FOCAD: variants seen among roughly 807,000 people sequenced by gnomAD.
FOCAD encodes the protein focadhesin.
In FOCAD, 198 loss-of-function variants were observed where a neutral mutation model predicts 225.6. That is an observed-to-expected ratio of 0.88 (90% CI 0.78 to 0.99). The LOEUF (loss-of-function observed/expected upper bound fraction) is 0.99, where lower values mean the gene tolerates loss of function less well. Among genes scored for constraint, FOCAD ranks in the 50% least tolerant of loss-of-function variants. The pLI, the probability that FOCAD is intolerant of heterozygous loss-of-function variation, is 0.00. For missense variants in FOCAD, 2,713 were observed against 2,123.6 expected, an observed-to-expected ratio of 1.28 and a Z score of -5.46; for synonymous variants, 897 against 755.0, an observed-to-expected ratio of 1.19 and a Z score of -3.08.
intron 4 of FOCAD, among the ~76,000 whole-genome samples, chr9:20,732,306 C>T (rs977136339): frequency 7.2e-5 from 11 of 152,152 alleles, no homozygotes; most frequent in African/African-American, 2.7e-4. Flanking sequence ...GTGGTAAAAG[C>T]AGGCTTTCCT....
Position 20,865,955 on chromosome 9 carries a change from C to T in FOCAD, c.2085C>T (p.Leu695=). The T allele has an allele frequency of 6.2e-7, 1 of 1,609,006 alleles. No homozygotes were observed. The highest frequency in any genetic ancestry group is 8.5e-7 in the Non-Finnish European group (1 of 1,177,726). The change falls in exon 17 of 44, where the codon CTC becomes CTT. Residue 695 remains leucine, a synonymous_variant. Coordinates refer to ENST00000338382, the MANE Select transcript of FOCAD (RefSeq NM_001375567.1). ...TTAAAGTTCAAGTCCTCAGCTTCCT[C>T]TGGACTCATACTCAAAACAAGGTAC... is the stretch of plus-strand genomic sequence containing the variant. ...ENFKVQVLSF[L]WTHTQNKDPI... is the part of the protein sequence containing the mutation.
intron 35 of FOCAD, among the ~76,000 whole-genome samples, chr9:20,961,587 TTCTC>T (rs1838735474): frequency 1.3e-5 from 2 of 152,182 alleles, no homozygotes; most frequent in African/African-American, 4.8e-5. Flanking sequence ...TATGTTCTTG[TTCTC>T]TCTCATGTAT....
chr9:20,725,678 A>T lies in FOCAD; in HGVS notation c.287+5144A>T, dbSNP rs72614266. On this transcript the variant is annotated intron_variant, in intron 4 of 43. Coordinates refer to ENST00000338382, the MANE Select transcript of FOCAD (RefSeq NM_001375567.1). Reference sequence around the variant, plus strand: ...GTATGGAAGCCCGCCTCCCACCTGAATCCAAGCCCACAATTTGAGAAACAG... The same window carrying T: ...GTATGGAAGCCCGCCTCCCACCTGATTCCAAGCCCACAATTTGAGAAACAG... 5.6e-3 allele frequency among the ~76,000 whole-genome samples: 847 copies of T among 152,262 alleles called. 50 individuals are homozygous for T. The East Asian group carries it at 0.14, about 25-fold the overall frequency.
At chr9:20,711,752 A>T (rs1416659010) in intron 1 of FOCAD, among the ~76,000 whole-genome samples, 1 of 152,244 alleles carries the variant, frequency 6.6e-6, no homozygotes, top group Non-Finnish European at 1.5e-5. Flanking sequence ...CTGGTGTTTT[A>T]GAGCCTCCTA....
intron 1 of FOCAD, among the ~76,000 whole-genome samples, chr9:20,704,047 A>C (rs1824186303): frequency 6.6e-6 from 1 of 152,224 alleles, no homozygotes; most frequent in East Asian, 1.9e-4. Flanking sequence ...CTGTGAGCTT[A>C]ATCAGATTAA....
At chr9:20,871,054 C>G (rs1829718172) in intron 18 of FOCAD, among the ~76,000 whole-genome samples, 1 of 151,770 alleles carries the variant, frequency 6.6e-6, no homozygotes, top group Non-Finnish European at 1.5e-5. Flanking sequence ...AATACAAGAA[C>G]TAGCCGGGAG....
At chr9:20,931,304 C>A (rs1324262007) in intron 27 of FOCAD, among the ~76,000 whole-genome samples, 1 of 152,158 alleles carries the variant, frequency 6.6e-6, no homozygotes, top group Non-Finnish European at 1.5e-5. Context: ...AGAATAACTA[C>A]AGATTTTAAC....
At chr9:20,806,539 A>G (rs1356110428) in intron 11 of FOCAD, among the ~76,000 whole-genome samples, 2 of 152,170 alleles carry the variant, frequency 1.3e-5, no homozygotes, top group Non-Finnish European at 2.9e-5. Flanking sequence ...GCATCCATAG[A>G]TCAAATAATG....
At position 20,900,350 on chromosome 9, in the gene FOCAD, T is replaced by C. The variant is rs1311841051; in HGVS notation, c.2626-6800T>C. ...TCATTTTTATTTCAGAGAAAACTTA[T>C]CCAGACCTATTGGCAGCTCTGTTCT... On this transcript the variant is annotated intron_variant, in intron 21 of 43. Transcript: ENST00000338382. Among the ~76,000 whole-genome samples, 8 of 151,950 alleles carry C rather than the reference T, an allele frequency of 5.3e-5. No homozygotes were observed. The South Asian group carries it at 1.7e-3, about 31-fold the overall frequency.
intron 8 of FOCAD, among the ~76,000 whole-genome samples, chr9:20,774,151 G>A (rs910377362): frequency 6.6e-6 from 1 of 152,178 alleles, no homozygotes; most frequent in Non-Finnish European, 1.5e-5. Context: ...CCCTGCCCCA[G>A]GTGTGTGGAA....
intron 37 of FOCAD, among the ~76,000 whole-genome samples, chr9:20,979,793 C>A (rs754160784): frequency 3.5e-4 from 54 of 152,316 alleles, no homozygotes; most frequent in Admixed American, 1.0e-3. Flanking sequence ...TGAGCCCTTG[C>A]TGTGCACCTG....
At chr9:20,699,468 G>T (rs1011889223) in intron 1 of FOCAD, among the ~76,000 whole-genome samples, 2 of 151,654 alleles carry the variant, frequency 1.3e-5, no homozygotes, top group South Asian at 4.2e-4. Flanking sequence ...GCACCTGGGC[G>T]CAGTAGCTCA....
At chr9:20,728,437 C>T (rs1826395018) in intron 4 of FOCAD, among the ~76,000 whole-genome samples, 1 of 152,106 alleles carries the variant, frequency 6.6e-6, no homozygotes. Context: ...TTGTCTGTAG[C>T]CTGTCACATG....
chr9:20,682,096 C>G (rs373581662), upstream of FOCAD, among the ~76,000 whole-genome samples: 2 of 152,172 alleles, frequency 1.3e-5, no homozygotes, highest in African/African-American at 4.8e-5. Context: ...CCCTTCTATC[C>G]TGTGATGATA....
intron 15 of FOCAD, among the ~76,000 whole-genome samples, chr9:20,824,785 C>T (rs913423588): frequency 1.3e-5 from 2 of 152,016 alleles, no homozygotes; most frequent in South Asian, 4.1e-4. Flanking sequence ...AAAGCACTAC[C>T]ACTAATTAGT....
intron 43 of FOCAD, 41 bp from the exon 44 acceptor site, chr9:20,995,515 A>G: frequency 2.6e-6 from 4 of 1,531,030 alleles, no homozygotes; most frequent in Non-Finnish European, 2.7e-6. Flanking sequence ...GATCAAAATG[A>G]CCTTTTCAAA....
intron 26 of FOCAD, among the ~76,000 whole-genome samples, chr9:20,928,099 G>GCATAT (rs1835130190): frequency 6.6e-6 from 1 of 152,074 alleles, no homozygotes; most frequent in Admixed American, 6.5e-5. Flanking sequence ...TGCTTATGGA[G>GCATAT]GTCTTTGCAA....
At chr9:20,720,561 T>G (rs1358796211) in intron 4 of FOCAD, 27 bp downstream of exon 4, 1 of 1,602,144 alleles carries the variant, frequency 6.2e-7, no homozygotes, top group South Asian at 1.1e-5. Context: ...GTTTGGTCAG[T>G]TAATGATTTA....
rs185421860 is a variant in FOCAD, at chr9:20,971,575, G to C, written c.4133-4845G>C. 2.1e-4 allele frequency among the ~76,000 whole-genome samples: 32 copies of C among 152,112 alleles called. No individual in the cohort carries two copies. The East Asian group carries it at 5.8e-3, about 28-fold the overall frequency. On this transcript the variant is annotated intron_variant, in intron 35 of 43. Coordinates refer to ENST00000338382, the MANE Select transcript of FOCAD (RefSeq NM_001375567.1). ...CTGCCCCAGCCTCCTGAGTAACGGA[G>C]ATTACAGGCATGCACCACCATGCCC...
Sources: allele counts gnomAD v4.1 joint callset (sites outside exome capture counted in the v4.1 genomes callset), GRCh38; gene constraint gnomAD v4.1.1; transcripts MANE v1.5; gene names NCBI Gene and HGNC (gene_info 2026-07-23, HGNC 2026-07-21).